Variants in VAT1L observed in about 807,000 individuals in gnomAD.
The protein encoded by VAT1L is vesicle amine transport 1 like, also known as putative NADPH-dependent quinone oxidoreductase VAT1L.
Under a neutral mutation model 44.1 loss-of-function variants are expected in VAT1L, and 34 were observed. The observed-to-expected ratio is 0.77, with a 90% CI of 0.59 to 1.03. The LOEUF is 1.03. Among genes scored for constraint, VAT1L ranks in the 50% least tolerant of loss-of-function variants. The probability of loss-of-function intolerance (pLI) is 0.00; values close to 1 mark genes in which losing one functional copy is unlikely to be tolerated. For missense variants in VAT1L, 615 were observed against 538.8 expected (o/e 1.14, Z -1.40); for synonymous variants, 253 against 202.2 (o/e 1.25, Z -2.13).
intron 7 of VAT1L, among the ~76,000 whole-genome samples, chr16:77,904,095 A>G (rs916725122): frequency 1.3e-5 from 2 of 151,988 alleles, no homozygotes; most frequent in Non-Finnish European, 2.9e-5. Context: ...CTAATAACCC[A>G]AAAGGAATAA....
intron 7 of VAT1L, among the ~76,000 whole-genome samples, chr16:77,912,624 T>C (rs1405622339): frequency 6.6e-6 from 1 of 152,218 alleles, no homozygotes; most frequent in Non-Finnish European, 1.5e-5. Context: ...CAATTTCAAC[T>C]GGCTTATTCT....
intron 7 of VAT1L, among the ~76,000 whole-genome samples, chr16:77,916,593 T>C (rs2017554377): frequency 6.6e-6 from 1 of 152,174 alleles, no homozygotes; most frequent in Admixed American, 6.5e-5. Flanking sequence ...CTTGCAACAT[T>C]GTGCTTTGCT....
chr16:77,900,640 A>T (rs1453325714), intron 7 of VAT1L, among the ~76,000 whole-genome samples: 1 of 151,290 alleles, frequency 6.6e-6, no homozygotes, highest in Non-Finnish European at 1.5e-5. Context: ...GGTTGCAGTG[A>T]GCTGAAATCG....
chr16:77,792,336 C>G (rs921284682), intron 1 of VAT1L, among the ~76,000 whole-genome samples: 2 of 152,124 alleles, frequency 1.3e-5, no homozygotes, highest in Admixed American at 1.3e-4. Flanking sequence ...TGAGTCCCAG[C>G]TCTGATACTT....
chr16:77,919,572 A>G (rs1002328264), intron 7 of VAT1L, among the ~76,000 whole-genome samples: 7 of 152,106 alleles, frequency 4.6e-5, no homozygotes, highest in African/African-American at 1.2e-4. Flanking sequence ...CTCAGATCCC[A>G]TTTTTTCAAT....
At chr16:77,941,720 G>A (rs1471022198) in intron 7 of VAT1L, among the ~76,000 whole-genome samples, 1 of 152,014 alleles carries the variant, frequency 6.6e-6, no homozygotes, top group African/African-American at 2.4e-5. Context: ...TGAGTAGCTG[G>A]GATTACAGGC....
At chr16:77,911,949 A>G (rs916043270) in intron 7 of VAT1L, among the ~76,000 whole-genome samples, 2 of 152,206 alleles carry the variant, frequency 1.3e-5, no homozygotes, top group African/African-American at 4.8e-5. Context: ...AGGTTGATTT[A>G]TGTCCACTGA....
intron 7 of VAT1L, among the ~76,000 whole-genome samples, chr16:77,895,681 T>C (rs1247664883): frequency 6.6e-6 from 1 of 152,190 alleles, no homozygotes; most frequent in Non-Finnish European, 1.5e-5. Context: ...AGAGAATAAA[T>C]TTTTGTAGTT....
intron 7 of VAT1L, among the ~76,000 whole-genome samples, chr16:77,903,167 G>A (rs188183257): frequency 1.7e-4 from 26 of 151,972 alleles, no homozygotes; most frequent in African/African-American, 5.1e-4. Context: ...ATTAGAATTC[G>A]CCAAGAAACT....
intron 7 of VAT1L, among the ~76,000 whole-genome samples, chr16:77,942,341 C>T (rs1421145319): frequency 6.6e-6 from 1 of 152,110 alleles, no homozygotes; most frequent in Non-Finnish European, 1.5e-5. Flanking sequence ...AGTTACCTCC[C>T]CCTGGTTCCC....
At chr16:77,793,306 A>T (rs2015868419) in intron 1 of VAT1L, among the ~76,000 whole-genome samples, 1 of 151,942 alleles carries the variant, frequency 6.6e-6, no homozygotes, top group African/African-American at 2.4e-5. Flanking sequence ...TTTTGTCGAG[A>T]CAGAGTCTAT....
chr16:77,902,064 A>T (rs533157321), intron 7 of VAT1L, among the ~76,000 whole-genome samples: 1 of 152,350 alleles, frequency 6.6e-6, no homozygotes, highest in African/African-American at 2.4e-5. Context: ...CAGTTATTTC[A>T]GGTCTTCCAA....
rs1314990804 is a variant in VAT1L, at chr16:77,795,823, T to C, written c.233+6908T>C. 4.1e-3 allele frequency among the ~76,000 whole-genome samples: 572 copies of C among 139,692 alleles called. 2 individuals carry two copies. Among genetic ancestry groups the C allele is most frequent in the Non-Finnish European group, 7.3e-3 (485 of 66,152 alleles). 91.6% of individuals were successfully genotyped at this position (139,692 alleles called of 152,430 possible). A position where few individuals can be genotyped will look rare whatever the true frequency, so the allele number is the denominator to read the frequency against. The stretch of plus-strand genomic sequence containing the variant: ...AGCTCCCTTTTTTCTCTTTTTTTTT[T>C]TTTTTTTTTTTTTTTCATTTGAGAC... On this transcript the variant is annotated intron_variant, in intron 1 of 8. Coordinates refer to ENST00000302536, the MANE Select transcript of VAT1L (RefSeq NM_020927.3).
Position 77,974,970 on chromosome 16 carries a change from A to G in VAT1L, c.1162-2627A>G, listed in dbSNP as rs570736233. On this transcript the variant is annotated intron_variant, in intron 8 of 8. Coordinates refer to ENST00000302536, the MANE Select transcript of VAT1L (RefSeq NM_020927.3). ...GTGGAAAAGAGGCTACGGCCTATCT[A>G]GATGGAAAAGCAGACTTGAAGGAAA... Among the ~76,000 whole-genome samples, 5 of 152,210 alleles carry G rather than the reference A, an allele frequency of 3.3e-5. No homozygotes were observed. In the East Asian group the frequency reaches 7.8e-4, roughly 24 times the overall value.
chr16:77,968,412 C>T (rs1479423041), intron 7 of VAT1L, among the ~76,000 whole-genome samples: 1 of 152,170 alleles, frequency 6.6e-6, no homozygotes, highest in East Asian at 1.9e-4. Flanking sequence ...GGGTACAATG[C>T]TTGTTTAAAT....
intron 3 of VAT1L, among the ~76,000 whole-genome samples, chr16:77,845,857 T>C (rs189309680): frequency 1.9e-4 from 29 of 152,340 alleles, no homozygotes; most frequent in Admixed American, 1.3e-4. Flanking sequence ...ATTACCCTTA[T>C]TAGATTCATC....
At chr16:77,961,573 G>T (rs567188835) in intron 7 of VAT1L, among the ~76,000 whole-genome samples, 1 of 152,266 alleles carries the variant, frequency 6.6e-6, no homozygotes, top group East Asian at 1.9e-4. Context: ...TAGCACCACG[G>T]TTCTTCATTT....
intron 7 of VAT1L, among the ~76,000 whole-genome samples, chr16:77,940,213 G>A (rs574712702): frequency 1.3e-5 from 2 of 152,218 alleles, no homozygotes; most frequent in African/African-American, 4.8e-5. Context: ...AACTTCCATT[G>A]CATCAAAATT....
At chr16:77,899,864 G>C (rs2142474810) in intron 7 of VAT1L, among the ~76,000 whole-genome samples, 1 of 152,356 alleles carries the variant, frequency 6.6e-6, no homozygotes, top group Middle Eastern at 3.4e-3. Flanking sequence ...CAGTACTTGA[G>C]CCTCACCATC....
Sources: allele counts gnomAD v4.1 joint callset (sites outside exome capture counted in the v4.1 genomes callset), GRCh38; gene constraint gnomAD v4.1.1; transcripts MANE v1.5; gene names NCBI Gene and HGNC (gene_info 2026-07-23, HGNC 2026-07-21).